Variants in RASGEF1A observed in about 807,000 individuals in gnomAD.
RASGEF1A encodes RasGEF domain family member 1A.
In RASGEF1A, 18 loss-of-function variants were observed where a neutral mutation model predicts 56.4. That is an observed-to-expected ratio of 0.32 (90% confidence interval 0.22 to 0.47). The LOEUF is 0.47. RASGEF1A is among the 20% of genes least tolerant of loss of function. The probability of loss-of-function intolerance (pLI) is 1.00; values close to 1 mark genes in which losing one functional copy is unlikely to be tolerated. For missense variants in RASGEF1A, 422 were observed against 627.1 expected (o/e 0.67, Z 3.49); for synonymous variants, 245 against 242.6 (o/e 1.01, Z -0.09).
chr10:43,241,807 T>C (rs1405313275), intron 1 of RASGEF1A, among the ~76,000 whole-genome samples: 1 of 151,628 alleles, frequency 6.6e-6, no homozygotes, highest in Non-Finnish European at 1.5e-5. Context: ...CTTTCTAAAA[T>C]AGACCCACTT....
intron 1 of RASGEF1A, among the ~76,000 whole-genome samples, chr10:43,223,021 T>G (rs1267423963): frequency 6.6e-6 from 1 of 152,018 alleles, no homozygotes; most frequent in Non-Finnish European, 1.5e-5. Context: ...TTTATAACCC[T>G]ATTAGAGGTA....
Position 43,200,844 on chromosome 10 carries a change from G to A in RASGEF1A, c.504C>T (p.Ser168=). ...VKKAIAQMTQ[S]LLLSLAARSQ... ...TCCGGGCAGCCAAGGACAGCAACAG[G>A]CTCTGTGTCATCTGGGCAATGGCCT... Residue 168 remains serine, a synonymous_variant, in exon 5 of 13, where the codon AGC becomes AGT. Coordinates refer to ENST00000395810, the MANE Select transcript of RASGEF1A (RefSeq NM_145313.4). 3 of 1,614,072 alleles carry A rather than the reference G, an allele frequency of 1.9e-6. No individual in the cohort carries two copies. Among genetic ancestry groups the A allele is most frequent in the South Asian group, 1.1e-5 (1 of 91,090 alleles).
At chr10:43,256,893 T>C (rs1836422883) in intron 1 of RASGEF1A, among the ~76,000 whole-genome samples, 1 of 152,176 alleles carries the variant, frequency 6.6e-6, no homozygotes, top group Admixed American at 6.5e-5. Flanking sequence ...CCTTCCTCCC[T>C]TCATGGTTTT....
At chr10:43,254,528 G>A (rs898952718) in intron 1 of RASGEF1A, among the ~76,000 whole-genome samples, 13 of 152,280 alleles carry the variant, frequency 8.5e-5, no homozygotes, top group South Asian at 6.2e-4. Context: ...GCTAACCCCC[G>A]CCCCCGGACC....
chr10:43,225,309 G>A (rs1840262724), intron 1 of RASGEF1A, among the ~76,000 whole-genome samples: 1 of 147,764 alleles, frequency 6.8e-6, no homozygotes, highest in African/African-American at 2.5e-5. Flanking sequence ...GTCTTTGTGT[G>A]TGTCTGTGTG....
intron 1 of RASGEF1A, among the ~76,000 whole-genome samples, chr10:43,229,965 G>GGC (rs894136757): frequency 6.6e-6 from 1 of 151,942 alleles, no homozygotes; most frequent in Non-Finnish European, 1.5e-5. Context: ...GCCTGGGCCG[G>GGC]GCGCGCGCCT....
At chr10:43,256,032 C>A (rs1361499084) in intron 1 of RASGEF1A, among the ~76,000 whole-genome samples, 1 of 152,198 alleles carries the variant, frequency 6.6e-6, no homozygotes, top group Non-Finnish European at 1.5e-5. Flanking sequence ...CTCCTGCCCC[C>A]TAGAGCTACC....
intron 1 of RASGEF1A, among the ~76,000 whole-genome samples, chr10:43,228,973 G>A (rs1588942424): frequency 6.6e-6 from 1 of 152,238 alleles, no homozygotes; most frequent in South Asian, 2.1e-4. Context: ...AACCCAGGGG[G>A]CTGCCGCACC....
In RASGEF1A at chr10:43,196,252, T is replaced by G. The variant is rs748498930; in HGVS notation, c.1438A>C (p.Arg480=). The change falls in exon 13 of 13, where the codon AGA becomes CGA. Residue 480 remains arginine, a synonymous_variant. Coordinates refer to ENST00000395810, the MANE Select transcript of RASGEF1A (RefSeq NM_145313.4). This position sits in a 1 kb window ranked among gnomAD's most constrained non-coding sequence, Gnocchi z 4.6. ...CGCGGGCTGCATCCGCCTCAGGCTCTGTTCAGAAGGGTGGTCCTAGAGGGG... is the reference window on the plus strand; with the variant it reads ...CGCGGGCTGCATCCGCCTCAGGCTCGGTTCAGAAGGGTGGTCCTAGAGGGG... ...WKTLRTTLLN[R]A 6.2e-7 allele frequency: 1 copy of G among 1,613,478 alleles called. No individual in the cohort carries two copies. Among genetic ancestry groups the G allele is most frequent in the Admixed American group, 1.7e-5 (1 of 59,984 alleles).
At chr10:43,219,239 G>C (rs1840175910) in intron 1 of RASGEF1A, among the ~76,000 whole-genome samples, 1 of 152,260 alleles carries the variant, frequency 6.6e-6, no homozygotes, top group Non-Finnish European at 1.5e-5. Context: ...GGTAACGAGA[G>C]CCTCCTGTAG....
chr10:43,229,685 C>T, intron 1 of RASGEF1A: 1 of 1,464,350 alleles, frequency 6.8e-7, no homozygotes, highest in Non-Finnish European at 9.0e-7. Context: ...GCCGTCCTGC[C>T]CGGTCCGGCG....
intron 7 of RASGEF1A, 63 bp downstream of exon 7, chr10:43,199,613 G>T: frequency 7.6e-7 from 1 of 1,318,872 alleles, no homozygotes; most frequent in East Asian, 2.3e-5. Context: ...CCTGGGGCAA[G>T]ATCAGGGTCT....
At chr10:43,203,482 G>A in intron 2 of RASGEF1A, 62 bp from the exon 3 acceptor site, 1 of 1,460,672 alleles carries the variant, frequency 6.8e-7, no homozygotes, top group Non-Finnish European at 9.1e-7. Flanking sequence ...GGGGCTCACC[G>A]CGCTGCTTCA....
chr10:43,262,860 A>G (rs1836559437), intron 1 of RASGEF1A, among the ~76,000 whole-genome samples: 1 of 152,208 alleles, frequency 6.6e-6, no homozygotes, highest in Non-Finnish European at 1.5e-5. Flanking sequence ...CCCGGCCCAC[A>G]GAGGTGGCAG....
In RASGEF1A at chr10:43,203,331, C is replaced by T; in HGVS notation, c.288G>A (p.Glu96=). Residue 96 remains glutamate (E), a synonymous_variant, in exon 3 of 13, where the codon GAG becomes GAA. Transcript: ENST00000395810. Reference sequence around the variant, plus strand: ...GCCCGGCTTCCAGCTGCTGCTTCTGCTCCACGCAGATCTGCCCCACGCGGG... The same window carrying T: ...GCCCGGCTTCCAGCTGCTGCTTCTGTTCCACGCAGATCTGCCCCACGCGGG... ...LLARVGQICV[E]QKQQLEAGPE... The T allele has an allele frequency of 6.3e-7, 1 of 1,574,966 alleles. No individual in the cohort carries two copies. The highest frequency in any genetic ancestry group is 8.6e-7 in the Non-Finnish European group (1 of 1,160,460).
chr10:43,238,103 A>C (rs370321745), intron 1 of RASGEF1A, among the ~76,000 whole-genome samples: 3 of 54,426 alleles, frequency 5.5e-5, no homozygotes, highest in African/African-American at 1.3e-4. Flanking sequence ...GGGCGGAGGG[A>C]GGGGGGGTGC....
At position 43,196,642 on chromosome 10, in the gene RASGEF1A, G is replaced by A. The variant is rs1383808827; in HGVS notation, c.1349-94C>T. On this transcript the variant is annotated intron_variant, in intron 11 of 12. Transcript: ENST00000395810. This position sits in a 1 kb window ranked among gnomAD's most constrained non-coding sequence, Gnocchi z 4.6. ...TCAGGAGTACAGCCCAGCACAAGGGGACAGTGACCTCTGGCTGGGCTGAAC... is the reference window on the plus strand; with the variant it reads ...TCAGGAGTACAGCCCAGCACAAGGGAACAGTGACCTCTGGCTGGGCTGAAC... 1 of 1,169,730 alleles carries A rather than the reference G, an allele frequency of 8.5e-7. No homozygotes were observed. The highest frequency in any genetic ancestry group is 1.7e-5 in the Admixed American group (1 of 58,292). The allele number at this position is 1,169,730 out of a possible 1,614,324, so 72.5% of individuals were successfully genotyped here.
intron 1 of RASGEF1A, chr10:43,229,784 G>T (rs1484196624): frequency 3.9e-6 from 5 of 1,269,442 alleles, no homozygotes; most frequent in Non-Finnish European, 4.0e-6. Flanking sequence ...CGCTGGAGGG[G>T]TGGGACCCCG....
chr10:43,209,978 G>T (rs922688773), intron 1 of RASGEF1A, among the ~76,000 whole-genome samples: 25 of 152,374 alleles, frequency 1.6e-4, no homozygotes, highest in African/African-American at 4.6e-4. Flanking sequence ...CAGCCTCTCA[G>T]TTCCAAGTGT....
Sources: gnomAD v4.1 joint callset for allele counts (sites outside exome capture counted in the v4.1 genomes callset) on GRCh38, gnomAD v4.1.1 for gene constraint, Gnocchi (gnomAD v3.1) non-coding constraint, MANE v1.5 for transcripts, NCBI Gene and HGNC (gene_info 2026-07-23, HGNC 2026-07-21) for gene names.